Variants in FAM13C observed in about 807,000 individuals in gnomAD.
FAM13C encodes the protein protein FAM13C.
A neutral mutation model predicts 73.2 loss-of-function variants in FAM13C; 37 were observed. The observed-to-expected ratio is 0.51, with a 90% CI of 0.39 to 0.67. The LOEUF (loss-of-function observed/expected upper bound fraction) is 0.67, where lower values mean the gene tolerates loss of function less well. Ranked by LOEUF, FAM13C falls within the 30% of genes least tolerant of loss-of-function variation. FAM13C has a pLI of 0.00. For missense variants in FAM13C, 589 were observed against 715.6 expected (o/e 0.82, Z 2.02); for synonymous variants, 246 against 260.9 (o/e 0.94, Z 0.55).
intron 5 of FAM13C, among the ~76,000 whole-genome samples, chr10:59,298,479 A>T (rs550917445): frequency 6.6e-6 from 1 of 152,304 alleles, no homozygotes. Context: ...TGAGGTGATA[A>T]CTTCCTTCTG....
At chr10:59,264,058 G>GA (rs766314585) in intron 9 of FAM13C, 27 bp downstream of exon 9, 6 of 1,604,736 alleles carry the variant, frequency 3.7e-6, no homozygotes, top group Non-Finnish European at 5.1e-6. Flanking sequence ...CCTTTGTGAG[G>GA]AAAAAAGATC....
At chr10:59,352,142 A>C (rs1855125598) in intron 3 of FAM13C, 128 bp downstream of exon 3, 2 of 1,014,382 alleles carry the variant, frequency 2.0e-6, no homozygotes, top group South Asian at 3.1e-5. Context: ...AGGTCGGCAG[A>C]GCACGCAATG....
At chr10:59,337,132 A>G (rs770006513) in intron 3 of FAM13C, among the ~76,000 whole-genome samples, 4 of 152,164 alleles carry the variant, frequency 2.6e-5, no homozygotes, top group Non-Finnish European at 5.9e-5. Flanking sequence ...ATCTTTTAGC[A>G]CTTTATTTGT....
Position 59,254,433 on chromosome 10 carries a change from T to G in FAM13C, c.1247A>C (p.Gln416Pro). Residue 416 changes from glutamine (Q) to proline (P), a missense_variant, in exon 11 of 14, where the codon CAA (glutamine) becomes CCA (proline). Gln to Pro is a moderately conservative substitution (Grantham distance 76). Transcript: ENST00000618804. ...PPQEDSKVTKQDKNLIKPLYD... is the reference protein window; with the variant it reads ...PPQEDSKVTKPDKNLIKPLYD... ...AAGCGGCTTTATGAGGTTCTTGTCTTGCTTAGTTACCTGAAAAACATGAAA... is the reference window on the plus strand; with the variant it reads ...AAGCGGCTTTATGAGGTTCTTGTCTGGCTTAGTTACCTGAAAAACATGAAA... 2 of 1,498,396 alleles carry G rather than the reference T, an allele frequency of 1.3e-6. No homozygotes were observed. The highest frequency in any genetic ancestry group is 2.3e-5 in the Admixed American group (1 of 44,410). 92.8% of individuals were successfully genotyped at this position (1,498,396 alleles called of 1,614,324 possible). A position where few individuals can be genotyped will look rare whatever the true frequency, so the allele number is the denominator to read the frequency against.
At chr10:59,351,797 C>G (rs186239696) in intron 3 of FAM13C, among the ~76,000 whole-genome samples, 3,901 of 152,214 alleles carry the variant, frequency 0.026, 99 homozygotes, top group Non-Finnish European at 0.034. Context: ...TGTTGGAGAC[C>G]AGCCTGGCCA....
intron 12 of FAM13C, among the ~76,000 whole-genome samples, chr10:59,252,294 G>T (rs1841465177): frequency 6.6e-6 from 1 of 152,012 alleles, no homozygotes; most frequent in South Asian, 2.1e-4. Context: ...TTATACATGG[G>T]CATTTTCTTA....
chr10:59,352,194 A>G, intron 3 of FAM13C, 76 bp downstream of exon 3: 1 of 1,544,766 alleles, frequency 6.5e-7, no homozygotes, highest in Non-Finnish European at 8.8e-7. Context: ...GTGCGCTCAA[A>G]TCGTCTGCCA....
intron 3 of FAM13C, among the ~76,000 whole-genome samples, chr10:59,328,335 T>G (rs111461966): frequency 6.6e-6 from 1 of 152,190 alleles, no homozygotes; most frequent in Admixed American, 6.5e-5. Flanking sequence ...TAAACCAGAA[T>G]GGTGAAATAT....
intron 2 of FAM13C, 101 bp from the exon 3 acceptor site, chr10:59,352,575 G>A: frequency 7.6e-7 from 1 of 1,307,376 alleles, no homozygotes; most frequent in Non-Finnish European, 1.0e-6. Context: ...TATATTTATA[G>A]GATAGACACC....
At chr10:59,323,890 T>G in intron 4 of FAM13C, 98 bp downstream of exon 4, 4 of 1,058,868 alleles carry the variant, frequency 3.8e-6, no homozygotes, top group Non-Finnish European at 5.9e-6. Context: ...CCAGCAAAAG[T>G]CAGAAAGCCT....
intron 11 of FAM13C, 113 bp downstream of exon 11, chr10:59,254,235 T>C: frequency 1.6e-6 from 1 of 620,930 alleles, no homozygotes; most frequent in Non-Finnish European, 2.6e-6. Flanking sequence ...CAACTAGCCT[T>C]GTTTGCAGTA....
At chr10:59,255,552 T>A (rs1841873625) in intron 10 of FAM13C, among the ~76,000 whole-genome samples, 1 of 152,092 alleles carries the variant, frequency 6.6e-6, no homozygotes. Context: ...TCCCTTTTAC[T>A]CTAGTCCAGT....
rs139140287 is a variant in FAM13C at position 59,362,263 on chromosome 10, G to A, written c.62+136C>T. 7,070 of 1,233,940 alleles carry A rather than the reference G, an allele frequency of 5.7e-3. 54 individuals are homozygous for A. Among genetic ancestry groups the A allele is most frequent in the Admixed American group, 5.1e-3 (225 of 44,040 alleles). The allele number at this position is 1,233,940 out of a possible 1,614,324, so 76.4% of individuals were successfully genotyped here. On this transcript the variant is annotated intron_variant, in intron 1 of 13. Transcript: ENST00000618804. ...GGCCCCACCAGTCAGCACGTCTCAC[G>A]GTCTTCACAGCCCCAGATTCCGGGA...
rs114010355 is a variant in FAM13C, at chr10:59,269,778, G to A, written c.803+121C>T. On this transcript the variant is annotated intron_variant, in intron 7 of 13. Transcript: ENST00000618804. The stretch of plus-strand genomic sequence containing the variant: ...CTAATTTTTGTCATTTATTGTTCCA[G>A]TCTCGCAGTTGCGTTAGGCAGGCAC... 2.7e-3 allele frequency: 3,094 copies of A among 1,165,638 alleles called. 21 individuals are homozygous for A. The highest frequency in any genetic ancestry group is 0.018 in the African/African-American group (1,207 of 65,436). 72.2% of individuals were successfully genotyped at this position (1,165,638 alleles called of 1,614,324 possible). A position where few individuals can be genotyped will look rare whatever the true frequency, so the allele number is the denominator to read the frequency against.
At chr10:59,277,791 C>T (rs1035367112) in intron 6 of FAM13C, among the ~76,000 whole-genome samples, 21 of 152,192 alleles carry the variant, frequency 1.4e-4, no homozygotes, top group Admixed American at 3.3e-4. Flanking sequence ...TGGGGACTTA[C>T]CATTTAAGCT....
chr10:59,262,962 G>A (rs1341143023), intron 9 of FAM13C, among the ~76,000 whole-genome samples: 1 of 152,100 alleles, frequency 6.6e-6, no homozygotes, highest in African/African-American at 2.4e-5. Flanking sequence ...GCCATGTACT[G>A]TAGCACCCGA....
At chr10:59,311,105 A>G (rs1445785595) in intron 4 of FAM13C, among the ~76,000 whole-genome samples, 2 of 152,086 alleles carry the variant, frequency 1.3e-5, no homozygotes, top group Admixed American at 6.6e-5. Flanking sequence ...ACCATGAAAA[A>G]CTTCAAATAC....
At chr10:59,322,308 C>T (rs284641) in intron 4 of FAM13C, among the ~76,000 whole-genome samples, 61,622 of 152,020 alleles carry the variant, frequency 0.41, 12,783 homozygotes, top group African/African-American at 0.5. Context: ...GACATAACTG[C>T]CCTCACAGCA....
intron 6 of FAM13C, among the ~76,000 whole-genome samples, chr10:59,275,997 C>T (rs1217351255): frequency 6.6e-6 from 1 of 152,114 alleles, no homozygotes; most frequent in Non-Finnish European, 1.5e-5. Context: ...AAGCTCCTTT[C>T]TTCATAGATT....
Sources: gnomAD v4.1 joint callset for allele counts (sites outside exome capture counted in the v4.1 genomes callset) on GRCh38, gnomAD v4.1.1 for gene constraint, MANE v1.5 for transcripts, NCBI Gene and HGNC (gene_info 2026-07-23, HGNC 2026-07-21) for gene names.